BABAM2: variants seen among roughly 807,000 people sequenced by gnomAD.
The protein encoded by BABAM2 is BRISC and BRCA1-A complex member 2.
Under a neutral mutation model 54.7 loss-of-function variants are expected in BABAM2, and 31 were observed. That is an observed-to-expected ratio of 0.57 (90% CI 0.43 to 0.77). The LOEUF (loss-of-function observed/expected upper bound fraction) is 0.77, where lower values mean the gene tolerates loss of function less well. Ranked by LOEUF, BABAM2 falls within the 30% of genes least tolerant of loss-of-function variation. The pLI, the probability that BABAM2 is intolerant of heterozygous loss-of-function variation, is 0.00. For missense variants in BABAM2, 364 were observed against 455.8 expected, an observed-to-expected ratio of 0.80 and a Z score of 1.83; for synonymous variants, 167 against 162.9, an observed-to-expected ratio of 1.03 and a Z score of -0.19.
chr2:28,077,388 T>G (rs1428017290), intron 6 of BABAM2, among the ~76,000 whole-genome samples: 1 of 152,210 alleles, frequency 6.6e-6, no homozygotes, highest in Non-Finnish European at 1.5e-5. Context: ...TATTAACTTT[T>G]GGCTTTTATT....
chr2:28,193,353 T>C lies in BABAM2; in HGVS notation c.681-43849T>C, dbSNP rs371671771. On this transcript the variant is annotated intron_variant, in intron 7 of 11. Transcript: ENST00000379624. ...AAGGTGCTGGATTTATGCACCGTGC[T>C]AAGTGGGCCCAACTCTGCCTTCACC... is the stretch of plus-strand genomic sequence containing the variant. Among the ~76,000 whole-genome samples, 29 of 152,260 alleles carry C rather than the reference T, an allele frequency of 1.9e-4. No homozygotes were observed. In the East Asian group the frequency reaches 5.0e-3, roughly 26 times the overall value.
chr2:27,958,581 T>C (rs1181322636), intron 3 of BABAM2, among the ~76,000 whole-genome samples: 2 of 151,218 alleles, frequency 1.3e-5, no homozygotes, highest in Non-Finnish European at 1.5e-5. Context: ...TATATATGTA[T>C]ATTTAGTTTT....
At chr2:27,958,199 C>T (rs934957662) in intron 3 of BABAM2, among the ~76,000 whole-genome samples, 1 of 152,070 alleles carries the variant, frequency 6.6e-6, no homozygotes, top group Non-Finnish European at 1.5e-5. Context: ...GTTTTAAGCA[C>T]TGAGTTTGGG....
At chr2:28,321,002 T>G (rs1431669950) in intron 11 of BABAM2, among the ~76,000 whole-genome samples, 1 of 152,198 alleles carries the variant, frequency 6.6e-6, no homozygotes, top group Non-Finnish European at 1.5e-5. Context: ...TCAACAAATG[T>G]TATATATATA....
chr2:28,127,641 C>A (rs1271265527), intron 6 of BABAM2, among the ~76,000 whole-genome samples: 1 of 152,008 alleles, frequency 6.6e-6, no homozygotes, highest in African/African-American at 2.4e-5. Flanking sequence ...ACTCATCCAT[C>A]TTATACACAC....
chr2:28,258,699 A>G (rs1351551686), intron 10 of BABAM2, among the ~76,000 whole-genome samples: 1 of 138,870 alleles, frequency 7.2e-6, no homozygotes, highest in Non-Finnish European at 1.5e-5. Flanking sequence ...TGCAGCCTCT[A>G]CCTCCCAGGC....
chr2:27,917,093 C>G (rs967052796), intron 2 of BABAM2, among the ~76,000 whole-genome samples: 4 of 147,766 alleles, frequency 2.7e-5, no homozygotes, highest in African/African-American at 1.0e-4. Flanking sequence ...TCTCGGCTCA[C>G]TGCAACTTCC....
chr2:28,156,800 A>T (rs1384538155), intron 7 of BABAM2, among the ~76,000 whole-genome samples: 1 of 152,188 alleles, frequency 6.6e-6, no homozygotes, highest in Non-Finnish European at 1.5e-5. Flanking sequence ...AATTGAAAAA[A>T]AATTGCCTTT....
At chr2:28,147,544 G>T (rs1671606662) in intron 7 of BABAM2, among the ~76,000 whole-genome samples, 1 of 151,728 alleles carries the variant, frequency 6.6e-6, no homozygotes, top group Non-Finnish European at 1.5e-5. Context: ...CACGATCTTG[G>T]CTCACTGCAA....
intron 10 of BABAM2, among the ~76,000 whole-genome samples, chr2:28,291,524 G>A (rs182213640): frequency 2.0e-5 from 3 of 151,050 alleles, no homozygotes; most frequent in African/African-American, 7.3e-5. Context: ...AATCTGGGAG[G>A]TGGAGGTTGC....
At chr2:28,009,631 A>T (rs1033197395) in intron 4 of BABAM2, among the ~76,000 whole-genome samples, 36 of 152,146 alleles carry the variant, frequency 2.4e-4, no homozygotes, top group Admixed American at 7.2e-4. Context: ...CTTTTATTTA[A>T]GTTTACTTTG....
intron 10 of BABAM2, among the ~76,000 whole-genome samples, chr2:28,268,653 G>A (rs775200651): frequency 1.1e-4 from 16 of 152,228 alleles, no homozygotes; most frequent in Non-Finnish European, 2.1e-4. Flanking sequence ...CTGATAAACT[G>A]GTTTTCCTAA....
intron 6 of BABAM2, among the ~76,000 whole-genome samples, chr2:28,058,322 C>T (rs1678594209): frequency 6.6e-6 from 1 of 151,916 alleles, no homozygotes; most frequent in African/African-American, 2.4e-5. Context: ...AAATACTTAA[C>T]TCAAATTTTA....
Position 27,934,473 on chromosome 2 carries a change from A to G in BABAM2, c.205+4565A>G, listed in dbSNP as rs555710309. ...TCCTTATTCCCTGAGACACAGCAGTATTGAAATTAGGCCAGTTAGTAACCT... is the reference window on the plus strand; with the variant it reads ...TCCTTATTCCCTGAGACACAGCAGTGTTGAAATTAGGCCAGTTAGTAACCT... On this transcript the variant is annotated intron_variant, in intron 3 of 11. Transcript: ENST00000379624. Among the ~76,000 whole-genome samples the G allele has an allele frequency of 4.3e-4, 65 of 152,286 alleles. 1 individual carries two copies. In the South Asian group the frequency reaches 0.011, roughly 27 times the overall value.
intron 5 of BABAM2, among the ~76,000 whole-genome samples, chr2:28,034,840 A>C (rs1301721683): frequency 6.6e-6 from 1 of 152,164 alleles, no homozygotes; most frequent in Non-Finnish European, 1.5e-5. Context: ...CTTGTGAGGA[A>C]TCTTTCAGGT....
intron 7 of BABAM2, among the ~76,000 whole-genome samples, chr2:28,151,530 G>A (rs1428761881): frequency 5.9e-5 from 9 of 152,056 alleles, no homozygotes; most frequent in South Asian, 2.1e-4. Context: ...AGCCGAGATC[G>A]CGCCATTGCA....
At chr2:27,989,531 A>G (rs1228166192) in intron 4 of BABAM2, among the ~76,000 whole-genome samples, 3 of 152,222 alleles carry the variant, frequency 2.0e-5, no homozygotes, top group Non-Finnish European at 4.4e-5. Context: ...GTAAGTCAAT[A>G]TAAGGAAGGG....
At chr2:28,300,389 A>G (rs1206662544) in intron 11 of BABAM2, among the ~76,000 whole-genome samples, 1 of 152,202 alleles carries the variant, frequency 6.6e-6, no homozygotes, top group Non-Finnish European at 1.5e-5. Flanking sequence ...CAAGTCTGAA[A>G]TCCCATTCAG....
chr2:27,896,806 G>A, intron 2 of BABAM2: 1 of 235,260 alleles, frequency 4.3e-6, no homozygotes, highest in Non-Finnish European at 8.5e-6. Flanking sequence ...AGCAGCTTGT[G>A]CCCAACTGGG....
Sources: allele counts gnomAD v4.1 joint callset (sites outside exome capture counted in the v4.1 genomes callset), GRCh38; gene constraint gnomAD v4.1.1; transcripts MANE v1.5; gene names NCBI Gene and HGNC (gene_info 2026-07-23, HGNC 2026-07-21).